The following SMARCAL1 variants were observed in gnomAD, a reference collection of about 807,000 sequenced individuals.
SMARCAL1 encodes the protein ATP-driven annealing helicase.
A neutral mutation model predicts 94.5 loss-of-function variants in SMARCAL1; 58 were observed. The observed-to-expected ratio is 0.61, with a 90% confidence interval of 0.50 to 0.76. The LOEUF is 0.76. Among genes scored for constraint, SMARCAL1 ranks in the 30% least tolerant of loss-of-function variants. The pLI is 0.00. For missense variants in SMARCAL1, 1,051 were observed against 1,177.9 expected, an observed-to-expected ratio of 0.89 and a Z score of 1.58; for synonymous variants, 422 against 455.1, an observed-to-expected ratio of 0.93 and a Z score of 0.93.
At chr2:216,431,656 C>T (rs1006420931) in intron 7 of SMARCAL1, among the ~76,000 whole-genome samples, 14 of 152,176 alleles carry the variant, frequency 9.2e-5, no homozygotes, top group African/African-American at 3.4e-4. Flanking sequence ...GGGGCTGAGG[C>T]ATAGGGAGGT....
intron 4 of SMARCAL1, among the ~76,000 whole-genome samples, chr2:216,417,173 C>T (rs1451489224): frequency 6.6e-6 from 1 of 152,210 alleles, no homozygotes; most frequent in Non-Finnish European, 1.5e-5. Context: ...AGTACAGTTT[C>T]TGGGAAAGGT....
intron 5 of SMARCAL1, among the ~76,000 whole-genome samples, chr2:216,421,387 T>G (rs867608355): frequency 6.6e-6 from 1 of 152,102 alleles, no homozygotes; most frequent in Admixed American, 6.5e-5. Flanking sequence ...AACCTCTGCC[T>G]CCCGGGTTCA....
rs1165007698 is a variant in SMARCAL1 at position 216,428,657 on chromosome 2, G to A, written c.1209G>A (p.Leu403=). 6.2e-7 allele frequency: 1 copy of A among 1,614,198 alleles called. No homozygotes were observed. The part of the protein sequence containing the change: ...QLDPLPTTLT[L]AFASQLKKTS... ...ACCCTCTGCCCACGACTCTCACCCT[G>A]GCGTTTGCTTCTCAGCTCAAGAAGA... Residue 403 remains leucine (L), a synonymous_variant, in exon 7 of 18, where the codon CTG becomes CTA. Coordinates refer to ENST00000357276, the MANE Select transcript of SMARCAL1 (RefSeq NM_014140.4).
intron 12 of SMARCAL1, among the ~76,000 whole-genome samples, chr2:216,457,970 TC>T (rs1232308630): frequency 2.6e-5 from 4 of 151,526 alleles, no homozygotes; most frequent in Non-Finnish European, 5.9e-5. Context: ...GAGAGAAGAA[TC>T]AAATAGATGC....
At chr2:216,449,929 C>T (rs939526116) in intron 11 of SMARCAL1, among the ~76,000 whole-genome samples, 3 of 152,040 alleles carry the variant, frequency 2.0e-5, no homozygotes, top group African/African-American at 4.8e-5. Context: ...CCTCTGCCTC[C>T]CAGGTTCAAG....
intron 12 of SMARCAL1, among the ~76,000 whole-genome samples, chr2:216,454,401 A>G (rs938677066): frequency 2.0e-5 from 3 of 152,220 alleles, no homozygotes; most frequent in African/African-American, 7.2e-5. Flanking sequence ...TGTGCTGGGC[A>G]TGGTGCTTTA....
chr2:216,434,851 ATTTTTTT>A (rs11408208), intron 8 of SMARCAL1, among the ~76,000 whole-genome samples: 6 of 117,370 alleles, frequency 5.1e-5, no homozygotes, highest in Non-Finnish European at 6.8e-5. Flanking sequence ...ACAACTCTCT[ATTTTTTT>A]TTTTTTTTTT....
chr2:216,430,766 C>T (rs1414895376), intron 7 of SMARCAL1, among the ~76,000 whole-genome samples: 11 of 152,234 alleles, frequency 7.2e-5, no homozygotes, highest in Admixed American at 6.5e-4. Flanking sequence ...AAACAAAAGA[C>T]GCTCAAAGGG....
chr2:216,416,995 A>T (rs1693617022), intron 4 of SMARCAL1, among the ~76,000 whole-genome samples: 2 of 152,236 alleles, frequency 1.3e-5, no homozygotes, highest in Non-Finnish European at 2.9e-5. Flanking sequence ...CCTGTGTCAA[A>T]GCGTCAGCCC....
chr2:216,456,100 GTGAT>G (rs1694561378), intron 12 of SMARCAL1, among the ~76,000 whole-genome samples: 2 of 152,214 alleles, frequency 1.3e-5, no homozygotes, highest in Non-Finnish European at 2.9e-5. Context: ...AAGGGTATCA[GTGAT>G]TGAAGATCAA....
chr2:216,477,051 A>C (rs1695098216), intron 15 of SMARCAL1, 58 bp from the exon 16 acceptor site: 1 of 1,362,958 alleles, frequency 7.3e-7, no homozygotes. Context: ...CATACCTGCT[A>C]TGGTGGATGG....
chr2:216,417,136 T>C (rs1693619933), intron 4 of SMARCAL1, among the ~76,000 whole-genome samples: 1 of 152,038 alleles, frequency 6.6e-6, no homozygotes, highest in Non-Finnish European at 1.5e-5. Context: ...AGATTTGGGG[T>C]ATGAGGTAGG....
chr2:216,457,129 GAA>G, intron 12 of SMARCAL1, among the ~76,000 whole-genome samples: 1 of 78,326 alleles, frequency 1.3e-5, no homozygotes, highest in Non-Finnish European at 2.3e-5. Flanking sequence ...AATTCAACAA[GAA>G]GAGCTAACTA....
At chr2:216,435,020 A>C (rs979193176) in intron 8 of SMARCAL1, among the ~76,000 whole-genome samples, 3 of 151,778 alleles carry the variant, frequency 2.0e-5, no homozygotes, top group Non-Finnish European at 4.4e-5. Flanking sequence ...CACCATGCCC[A>C]GCTAATTTTG....
At chr2:216,446,987 T>C (rs1201075653) in intron 10 of SMARCAL1, 31 bp from the exon 11 acceptor site, 2 of 1,613,710 alleles carry the variant, frequency 1.2e-6, no homozygotes, top group East Asian at 4.5e-5. Flanking sequence ...CCTCCCTGTG[T>C]TCAGAGCACC....
At chr2:216,422,363 AT>A (rs1487130436) in intron 5 of SMARCAL1, among the ~76,000 whole-genome samples, 1 of 152,030 alleles carries the variant, frequency 6.6e-6, no homozygotes, top group Non-Finnish European at 1.5e-5. Context: ...CTGGGTGACA[AT>A]CTCAAAAATA....
At chr2:216,416,636 G>A (rs1034703878) in intron 4 of SMARCAL1, among the ~76,000 whole-genome samples, 1 of 152,172 alleles carries the variant, frequency 6.6e-6, no homozygotes, top group African/African-American at 2.4e-5. Context: ...CAGTAACACA[G>A]GGTCACATAG....
rs1347442149 is a variant in SMARCAL1 at position 216,450,842 on chromosome 2, G to T, written c.1852-4G>T. 6.2e-7 allele frequency: 1 copy of T among 1,612,650 alleles called. No homozygotes were observed. Among genetic ancestry groups the T allele is most frequent in the Non-Finnish European group, 8.5e-7 (1 of 1,179,126 alleles). On this transcript the variant is annotated splice_polypyrimidine_tract_variant and splice_region_variant and intron_variant, in intron 11 of 17. Coordinates refer to ENST00000357276, the MANE Select transcript of SMARCAL1 (RefSeq NM_014140.4). Reference sequence around the variant, plus strand: ...TGGGGCTGTCGCTGTCTTGTTCTCTGCAGATGCCTTGGGGGTGGGACTACT... The same window carrying T: ...TGGGGCTGTCGCTGTCTTGTTCTCTTCAGATGCCTTGGGGGTGGGACTACT...
Position 216,415,318 on chromosome 2 carries a change from C to T in SMARCAL1, c.614C>T (p.Ser205Phe), listed in dbSNP as rs768737511. 1.7e-5 allele frequency: 28 copies of T among 1,614,138 alleles called. No individual in the cohort carries two copies. The South Asian group carries it at 2.9e-4, about 16-fold the overall frequency. Residue 205 changes from serine (S) to phenylalanine (F), a missense_variant, in exon 3 of 18, where the codon TCT (serine) becomes TTT (phenylalanine). Ser to Phe is a radical substitution (Grantham distance 155, BLOSUM62 -2). Coordinates refer to ENST00000357276, the MANE Select transcript of SMARCAL1 (RefSeq NM_014140.4). ...AKASPSGQNISYIHSSSESVT... is the reference protein window; with the variant it reads ...AKASPSGQNIFYIHSSSESVT... Reference sequence around the variant, plus strand: ...GCCTCCCCTTCGGGGCAGAACATTTCTTACATCCATTCTAGCTCAGAGAGT... The same window carrying T: ...GCCTCCCCTTCGGGGCAGAACATTTTTTACATCCATTCTAGCTCAGAGAGT...
Sources: allele counts gnomAD v4.1 joint callset (sites outside exome capture counted in the v4.1 genomes callset), GRCh38; gene constraint gnomAD v4.1.1; transcripts MANE v1.5; gene names NCBI Gene and HGNC (gene_info 2026-07-23, HGNC 2026-07-21).